The following SIRT5 variants were observed in gnomAD, a reference collection of about 807,000 sequenced individuals.
The protein encoded by SIRT5 is sirtuin 5.
Under a neutral mutation model 40.0 loss-of-function variants are expected in SIRT5, and 26 were observed. The observed-to-expected ratio is 0.65, with a 90% CI of 0.48 to 0.90. SIRT5 has a LOEUF of 0.90. Ranked by LOEUF, SIRT5 falls within the 40% of genes least tolerant of loss-of-function variation. The pLI is 0.00. For missense variants in SIRT5, 401 were observed against 402.4 expected (o/e 1.00, Z 0.03); for synonymous variants, 146 against 149.1 (o/e 0.98, Z 0.15).
intron 7 of SIRT5, among the ~76,000 whole-genome samples, 187 bp downstream of exon 7, chr6:13,597,203 G>GA (rs771837496): frequency 1.3e-5 from 2 of 152,122 alleles, no homozygotes; most frequent in Non-Finnish European, 2.9e-5. Flanking sequence ...AGGATGAAAA[G>GA]AATGATTTTT....
rs529187429 is a variant in SIRT5, at chr6:13,607,245, C to A, written c.858-4545C>A. On this transcript the variant is annotated intron_variant, in intron 9 of 9. Transcript: ENST00000606117. The surrounding 1 kb of genome is among the most constrained non-coding windows in gnomAD (Gnocchi z 4.0). ...TTTATCTGTGTAGTTAGCAAATGAC[C>A]CAGGTAATTCTTACCAAGAAACCTT... Among the ~76,000 whole-genome samples the A allele has an allele frequency of 6.6e-6, 1 of 151,934 alleles. No individual in the cohort carries two copies. Among genetic ancestry groups the A allele is most frequent in the South Asian group, 2.1e-4 (1 of 4,800 alleles).
chr6:13,576,113 C>T (rs1303446978), intron 1 of SIRT5, among the ~76,000 whole-genome samples: 1 of 152,192 alleles, frequency 6.6e-6, no homozygotes, highest in Non-Finnish European at 1.5e-5. Context: ...CTGAAAACAA[C>T]ACAGGAATGC....
At chr6:13,586,424 G>C (rs1760092718) in intron 3 of SIRT5, among the ~76,000 whole-genome samples, 1 of 152,124 alleles carries the variant, frequency 6.6e-6, no homozygotes, top group African/African-American at 2.4e-5. Context: ...TTTTGTCTAA[G>C]GTGTAAGGAA....
At chr6:13,609,481 A>C (rs1042355930) in intron 9 of SIRT5, among the ~76,000 whole-genome samples, 2 of 152,302 alleles carry the variant, frequency 1.3e-5, no homozygotes, top group East Asian at 1.9e-4. Context: ...TCTGGCTGGC[A>C]AAGTAGGCCA....
intron 2 of SIRT5, among the ~76,000 whole-genome samples, chr6:13,583,482 C>T (rs1344727562): frequency 6.6e-6 from 1 of 151,874 alleles, no homozygotes; most frequent in African/African-American, 2.4e-5. Flanking sequence ...TTAGTAGAGA[C>T]AGGGTTTCAC....
chr6:13,611,578 CCA>C (rs5874428), intron 9 of SIRT5, among the ~76,000 whole-genome samples: 30,501 of 151,906 alleles, frequency 0.2, 3,546 homozygotes, highest in Non-Finnish European at 0.26. Context: ...CAAAATTCCC[CCA>C]GTCACAGAGC....
At chr6:13,576,525 A>G (rs1758659904) in intron 1 of SIRT5, among the ~76,000 whole-genome samples, 1 of 151,884 alleles carries the variant, frequency 6.6e-6, no homozygotes, top group Non-Finnish European at 1.5e-5. Flanking sequence ...TTTGCTGTTG[A>G]GTTTTTTGAG....
rs1759336981 is a variant in SIRT5 at position 13,581,454 on chromosome 6, AGGAGGTAGGT to A, written c.-36+1850_-36+1859del. On this transcript the variant is annotated intron_variant, in intron 2 of 9. Coordinates refer to ENST00000606117, the MANE Select transcript of SIRT5 (RefSeq NM_012241.5). ...TTTGCCCTTCTCATTGCATCATATG[AGGAGGTAGGT>A]GGAGTCGCCATGTCTTATTACTGGT... is the stretch of plus-strand genomic sequence containing the variant. Among the ~76,000 whole-genome samples the A allele has an allele frequency of 3.9e-5, 6 of 152,322 alleles. 1 individual carries two copies. The South Asian group carries it at 1.2e-3, about 32-fold the overall frequency.
In SIRT5 at chr6:13,611,986, C is replaced by T. The variant is rs952670407; in HGVS notation, c.*121C>T. ...ATCTAAAAATAGCCTCTGATTCCCTCGCTGGAATCCAACCTGTTGATAAGT... is the reference window on the plus strand; with the variant it reads ...ATCTAAAAATAGCCTCTGATTCCCTTGCTGGAATCCAACCTGTTGATAAGT... On this transcript the variant is annotated 3_prime_UTR_variant, in exon 10 of 10. Coordinates refer to ENST00000606117, the MANE Select transcript of SIRT5 (RefSeq NM_012241.5). The T allele has an allele frequency of 3.0e-5, 26 of 862,724 alleles. 1 individual carries two copies. In the South Asian group the frequency reaches 3.8e-4, roughly 13 times the overall value. 53.4% of individuals were successfully genotyped at this position (862,724 alleles called of 1,614,324 possible).
intron 4 of SIRT5, among the ~76,000 whole-genome samples, chr6:13,589,903 A>G (rs1003349492): frequency 1.3e-5 from 2 of 152,114 alleles, no homozygotes; most frequent in African/African-American, 2.4e-5. Context: ...TTTGACTCCA[A>G]CACCCTTCCA....
At chr6:13,603,296 AGAC>A (rs1762659533) in intron 9 of SIRT5, among the ~76,000 whole-genome samples, 1 of 151,036 alleles carries the variant, frequency 6.6e-6, no homozygotes, top group African/African-American at 2.4e-5. Context: ...AAAAAAAAAA[AGAC>A]AACCCATAGA....
In SIRT5 at chr6:13,595,499, T is replaced by C. The variant is rs746112544; in HGVS notation, c.498T>C (p.Cys166=). ...EIHGSLFKTR[C]TSCGVVAENY... is the part of the protein sequence containing the mutation. Reference sequence around the variant, plus strand: ...CAGGTAGCTTATTTAAAACTCGATGTACCTCTTGTGGAGTTGTGGCTGAGA... The same window carrying C: ...CAGGTAGCTTATTTAAAACTCGATGCACCTCTTGTGGAGTTGTGGCTGAGA... Residue 166 remains cysteine, a synonymous_variant, in exon 6 of 10, where the codon TGT becomes TGC. Transcript: ENST00000606117. The C allele has an allele frequency of 1.9e-6, 3 of 1,614,118 alleles. No homozygotes were observed. Among genetic ancestry groups the C allele is most frequent in the Non-Finnish European group, 2.5e-6 (3 of 1,179,940 alleles).
chr6:13,591,649 G>C lies in SIRT5; in HGVS notation c.250-20G>C, dbSNP rs757981592. ...GGCTGTCTCTGCCTCCCTCACTCCT[G>C]CCTCCTCTCCCACTCCCAGGACCTG... On this transcript the variant is annotated intron_variant, in intron 4 of 9. Transcript: ENST00000606117. The C allele has an allele frequency of 6.6e-7, 1 of 1,509,126 alleles. No homozygotes were observed. The highest frequency in any genetic ancestry group is 1.9e-4 in the Middle Eastern group (1 of 5,144). 93.5% of individuals were successfully genotyped at this position (1,509,126 alleles called of 1,614,324 possible). A position where few individuals can be genotyped will look rare whatever the true frequency, so the allele number is the denominator to read the frequency against.
chr6:13,606,743 G>A (rs147185389), intron 9 of SIRT5, among the ~76,000 whole-genome samples: 5,377 of 152,156 alleles, frequency 0.035, 144 homozygotes, highest in South Asian at 0.12. Flanking sequence ...GTGCAGTGGC[G>A]CAATCTTGGT....
In SIRT5 at chr6:13,591,764, C is replaced by T. The variant is rs200467999; in HGVS notation, c.345C>T (p.Asn115=). 2.0e-5 allele frequency: 32 copies of T among 1,613,578 alleles called. No individual in the cohort carries two copies. The highest frequency in any genetic ancestry group is 5.5e-5 in the South Asian group (5 of 91,068). The change falls in exon 5 of 10, where the codon AAC becomes AAT. Residue 115 remains asparagine (N), a synonymous_variant. Coordinates refer to ENST00000606117, the MANE Select transcript of SIRT5 (RefSeq NM_012241.5). ...RREVMGSKEP[N]AGHRAIAECE... The stretch of plus-strand genomic sequence containing the variant: ...AGGTCATGGGGAGCAAGGAGCCCAA[C>T]GCCGGGCACCGCGCCATAGCCGAGT...
chr6:13,601,034 ATTTTTAAAAAAG>A (rs1762310004), intron 9 of SIRT5, 85 bp downstream of exon 9: 1 of 1,009,554 alleles, frequency 9.9e-7, no homozygotes, highest in Non-Finnish European at 1.5e-6. Flanking sequence ...TACTCCTCTA[ATTTTTAAAAAAG>A]ACATAGGGTT....
chr6:13,595,682 T>G, intron 6 of SIRT5, 118 bp downstream of exon 6: 1 of 855,374 alleles, frequency 1.2e-6, no homozygotes, highest in Non-Finnish European at 1.9e-6. Flanking sequence ...GAAATAAGAC[T>G]AAATACAAGG....
intron 1 of SIRT5, among the ~76,000 whole-genome samples, chr6:13,577,529 G>A (rs1003320757): frequency 2.0e-5 from 3 of 150,808 alleles, no homozygotes; most frequent in African/African-American, 7.3e-5. Flanking sequence ...AGTTCTAACA[G>A]TTTTTTTTGG....
intron 9 of SIRT5, among the ~76,000 whole-genome samples, chr6:13,610,123 C>G (rs188287146): frequency 1.7e-4 from 26 of 152,126 alleles, no homozygotes; most frequent in Admixed American, 1.7e-3. Flanking sequence ...CGTGTCACCA[C>G]GCATGGTTGT....
Sources: gnomAD v4.1 joint callset for allele counts (sites outside exome capture counted in the v4.1 genomes callset) on GRCh38, gnomAD v4.1.1 for gene constraint, Gnocchi (gnomAD v3.1) non-coding constraint, MANE v1.5 for transcripts, NCBI Gene and HGNC (gene_info 2026-07-23, HGNC 2026-07-21) for gene names.